Variants in SND1 observed in about 807,000 individuals in gnomAD.
SND1 encodes staphylococcal nuclease domain-containing protein 1.
A neutral mutation model predicts 121.7 loss-of-function variants in SND1; 38 were observed. That is an observed-to-expected ratio of 0.31 (90% CI 0.24 to 0.41). SND1 has a LOEUF of 0.41. SND1 is among the 10% of genes least tolerant of loss of function. The pLI, the probability that SND1 is intolerant of heterozygous loss-of-function variation, is 1.00. For missense variants in SND1, 868 were observed against 1,184.6 expected, an observed-to-expected ratio of 0.73 and a Z score of 3.92; for synonymous variants, 401 against 447.4, an observed-to-expected ratio of 0.90 and a Z score of 1.31.
At chr7:127,798,710 T>C (rs1389923085) in intron 10 of SND1, among the ~76,000 whole-genome samples, 1 of 152,166 alleles carries the variant, frequency 6.6e-6, no homozygotes, top group Non-Finnish European at 1.5e-5. Context: ...GCCTAAAATA[T>C]AGACATTTTT....
intron 16 of SND1, among the ~76,000 whole-genome samples, chr7:128,022,225 A>AAAG (rs1563091325): frequency 6.7e-6 from 1 of 150,336 alleles, no homozygotes; most frequent in African/African-American, 2.5e-5. Flanking sequence ...AAAAAAAAAA[A>AAAG]AAGAAGGTAG....
intron 14 of SND1, among the ~76,000 whole-genome samples, chr7:127,919,801 C>A (rs1438894012): frequency 3.3e-5 from 5 of 152,022 alleles, no homozygotes; most frequent in Non-Finnish European, 7.4e-5. Context: ...TTATCTTTAC[C>A]AGTTCAAAAT....
intron 10 of SND1, among the ~76,000 whole-genome samples, chr7:127,757,568 A>T (rs1797220334): frequency 6.6e-6 from 1 of 152,170 alleles, no homozygotes; most frequent in African/African-American, 2.4e-5. Flanking sequence ...TTATGTTGTT[A>T]GTTTTAGCTA....
intron 11 of SND1, among the ~76,000 whole-genome samples, chr7:127,810,859 T>G (rs895078800): frequency 9.9e-5 from 15 of 152,234 alleles, no homozygotes; most frequent in African/African-American, 3.6e-4. Flanking sequence ...CTCTTGTCCC[T>G]TAATTGCAGA....
At chr7:127,667,743 C>T (rs1400505938) in intron 1 of SND1, among the ~76,000 whole-genome samples, 1 of 152,164 alleles carries the variant, frequency 6.6e-6, no homozygotes, top group Non-Finnish European at 1.5e-5. Context: ...GATCAGGCGT[C>T]GAAAAATATT....
At chr7:127,691,779 A>ATT (rs75566883) in intron 2 of SND1, among the ~76,000 whole-genome samples, 76 of 127,066 alleles carry the variant, frequency 6.0e-4, no homozygotes, top group African/African-American at 1.9e-3. Flanking sequence ...TGCCTGGCTA[A>ATT]TTTTTTTTTT....
chr7:127,979,081 T>C (rs1479906249), intron 15 of SND1, among the ~76,000 whole-genome samples: 2 of 152,230 alleles, frequency 1.3e-5, no homozygotes, highest in Non-Finnish European at 2.9e-5. Context: ...TCTTAGTCTT[T>C]GTGGGCCTTA....
intron 15 of SND1, among the ~76,000 whole-genome samples, chr7:127,938,337 G>A (rs1049819753): frequency 1.3e-5 from 2 of 152,104 alleles, no homozygotes; most frequent in African/African-American, 4.8e-5. Flanking sequence ...GATAAATTTT[G>A]GATGATACAT....
intron 11 of SND1, among the ~76,000 whole-genome samples, chr7:127,840,446 GTCA>G (rs1798943695): frequency 6.6e-6 from 1 of 152,064 alleles, no homozygotes. Flanking sequence ...ATAGCCCTTG[GTCA>G]TGTATTCGTA....
At chr7:127,690,971 G>T (rs1389564301) in intron 2 of SND1, among the ~76,000 whole-genome samples, 1 of 152,174 alleles carries the variant, frequency 6.6e-6, no homozygotes, top group African/African-American at 2.4e-5. Context: ...CCCACTGTAT[G>T]CCCCCAGCCA....
At chr7:127,864,334 A>G (rs1176450920) in intron 12 of SND1, among the ~76,000 whole-genome samples, 1 of 151,304 alleles carries the variant, frequency 6.6e-6, no homozygotes, top group Non-Finnish European at 1.5e-5. Context: ...CTTCCTTCCA[A>G]TTGAGCCATC....
At position 127,865,074 on chromosome 7, in the gene SND1, C is replaced by T. The variant is rs908225507; in HGVS notation, c.1343+20650C>T. Among the ~76,000 whole-genome samples the T allele has an allele frequency of 1.1e-4, 17 of 152,192 alleles. 1 individual carries two copies. Among genetic ancestry groups the T allele is most frequent in the East Asian group, 3.8e-4 (2 of 5,196 alleles). ...ACAGATGGTGGAGAGTTCTGCATCT[C>T]AACAGCAGTATTCACCATGGGGGAA... is the stretch of plus-strand genomic sequence containing the variant. On this transcript the variant is annotated intron_variant, in intron 12 of 23. Coordinates refer to ENST00000354725, the MANE Select transcript of SND1 (RefSeq NM_014390.4).
chr7:127,707,128 A>G (rs564816189), intron 8 of SND1, among the ~76,000 whole-genome samples: 3 of 152,228 alleles, frequency 2.0e-5, no homozygotes, highest in Non-Finnish European at 4.4e-5. Context: ...ATGCACTGTC[A>G]TGACAGTTTT....
chr7:127,855,476 T>C (rs1452839750), intron 12 of SND1, among the ~76,000 whole-genome samples: 2 of 151,992 alleles, frequency 1.3e-5, no homozygotes, highest in Non-Finnish European at 2.9e-5. Flanking sequence ...AGCTCTACTA[T>C]TAGATACTGT....
chr7:127,667,343 T>G (rs528985199), intron 1 of SND1, among the ~76,000 whole-genome samples: 12 of 152,332 alleles, frequency 7.9e-5, no homozygotes, highest in Middle Eastern at 3.4e-3. Flanking sequence ...TCTAAGATAT[T>G]TCAAGATCTC....
intron 11 of SND1, among the ~76,000 whole-genome samples, chr7:127,833,228 C>T (rs926171515): frequency 1.4e-5 from 2 of 147,134 alleles, no homozygotes; most frequent in African/African-American, 5.0e-5. Flanking sequence ...GGAAACCATC[C>T]GTATATTTTC....
chr7:127,727,137 G>C (rs1361308642), intron 10 of SND1, among the ~76,000 whole-genome samples: 2 of 152,152 alleles, frequency 1.3e-5, no homozygotes, highest in African/African-American at 4.8e-5. Context: ...ATTCAGACCC[G>C]GGTGCTAAAG....
At chr7:127,890,111 C>T (rs1355393032) in intron 13 of SND1, among the ~76,000 whole-genome samples, 1 of 152,016 alleles carries the variant, frequency 6.6e-6, no homozygotes, top group Non-Finnish European at 1.5e-5. Flanking sequence ...CAAACTTTTC[C>T]CCGTAGTGGT....
rs1026294166 is a variant in SND1, at chr7:127,986,491, G to A, written c.1670-4456G>A. On this transcript the variant is annotated intron_variant, in intron 15 of 23. Coordinates refer to ENST00000354725, the MANE Select transcript of SND1 (RefSeq NM_014390.4). ...AGTTTAATATTCTATCAGTGGCAGA[G>A]CAGAACCCAGAATCATGATGTGCTG... is the stretch of plus-strand genomic sequence containing the variant. Among the ~76,000 whole-genome samples, 89 of 152,314 alleles carry A rather than the reference G, an allele frequency of 5.8e-4. 1 individual carries two copies. Among genetic ancestry groups the A allele is most frequent in the African/African-American group, 1.9e-3 (78 of 41,570 alleles).
Sources: gnomAD v4.1 joint callset for allele counts (sites outside exome capture counted in the v4.1 genomes callset) on GRCh38, gnomAD v4.1.1 for gene constraint, MANE v1.5 for transcripts, NCBI Gene and HGNC (gene_info 2026-07-23, HGNC 2026-07-21) for gene names.